The following VEPH1 variants were observed in gnomAD, a reference collection of about 807,000 sequenced individuals.
VEPH1 encodes ventricular zone-expressed PH domain-containing protein homolog 1.
VEPH1 carries 80 observed loss-of-function variants against 85.2 expected under a neutral mutation model. The ratio of observed to expected loss-of-function variants is 0.94; its 90% CI spans 0.78 to 1.13. The LOEUF is 1.13. VEPH1 is among the 50% of genes most tolerant of loss of function. VEPH1 has a pLI of 0.00. For synonymous variants in VEPH1, 297 were observed against 348.0 expected (o/e 0.85, Z 1.63); for missense variants, 955 against 980.5 (o/e 0.97, Z 0.35).
chr3:157,268,247 G>A (rs557034046), intron 12 of VEPH1, among the ~76,000 whole-genome samples: 3 of 152,202 alleles, frequency 2.0e-5, no homozygotes, highest in Admixed American at 6.5e-5. Flanking sequence ...TGGGTTATGC[G>A]TTCCTTGAGA....
intron 5 of VEPH1, among the ~76,000 whole-genome samples, chr3:157,420,061 C>A (rs1450102301): frequency 6.6e-6 from 1 of 151,860 alleles, no homozygotes; most frequent in Non-Finnish European, 1.5e-5. Flanking sequence ...CCTCAGCAAA[C>A]TAATGCAGAA....
chr3:157,490,759 C>T (rs1739148643), intron 2 of VEPH1, among the ~76,000 whole-genome samples: 1 of 152,128 alleles, frequency 6.6e-6, no homozygotes, highest in East Asian at 1.9e-4. Flanking sequence ...TGTTGTTTCA[C>T]TTTTAATTGT....
At chr3:157,491,321 G>A (rs78067369) in intron 2 of VEPH1, among the ~76,000 whole-genome samples, 2,245 of 152,248 alleles carry the variant, frequency 0.015, 40 homozygotes, top group East Asian at 0.066. Context: ...CAATGGAAAG[G>A]TGGGAGAAGT....
At chr3:157,283,698 G>C (rs1387811839) in intron 12 of VEPH1, among the ~76,000 whole-genome samples, 2 of 152,156 alleles carry the variant, frequency 1.3e-5, no homozygotes, top group African/African-American at 4.8e-5. Flanking sequence ...TATATTTCTT[G>C]ATGTCTTTCC....
At chr3:157,364,230 A>G in intron 8 of VEPH1, 73 bp downstream of exon 8, 1 of 1,233,902 alleles carries the variant, frequency 8.1e-7, no homozygotes, top group Non-Finnish European at 1.1e-6. Context: ...AAAACACCCC[A>G]TAACAGAGTG....
intron 11 of VEPH1, among the ~76,000 whole-genome samples, chr3:157,298,727 T>A (rs1718410941): frequency 6.6e-6 from 1 of 151,952 alleles, no homozygotes; most frequent in Non-Finnish European, 1.5e-5. Flanking sequence ...TTATATTGAA[T>A]GAAGGATAAA....
Position 157,490,491 on chromosome 3 carries a change from A to C in VEPH1, c.138+4721T>G, listed in dbSNP as rs140856709. Among the ~76,000 whole-genome samples the C allele has an allele frequency of 7.2e-4, 109 of 152,308 alleles. 1 individual carries two copies. Among genetic ancestry groups the C allele is most frequent in the East Asian group, 4.8e-3 (25 of 5,188 alleles). ...TAGGCACTTCCTTCAGAGGAAAACAAATGGCATACAGCAAATAAGCATATG... is the reference window on the plus strand; with the variant it reads ...TAGGCACTTCCTTCAGAGGAAAACACATGGCATACAGCAAATAAGCATATG... On this transcript the variant is annotated intron_variant, in intron 2 of 13. Coordinates refer to ENST00000362010, the MANE Select transcript of VEPH1 (RefSeq NM_001167912.2).
chr3:157,300,136 T>G (rs746729091), intron 11 of VEPH1, among the ~76,000 whole-genome samples: 4 of 152,080 alleles, frequency 2.6e-5, no homozygotes, highest in Non-Finnish European at 5.9e-5. Context: ...ATTCTAATAG[T>G]ATAGTGCCTG....
At chr3:157,355,901 C>A (rs1191446313) in intron 9 of VEPH1, among the ~76,000 whole-genome samples, 1 of 139,380 alleles carries the variant, frequency 7.2e-6, no homozygotes, top group Non-Finnish European at 1.6e-5. Flanking sequence ...CTCTCTCACT[C>A]TTTTTTTTTT....
intron 9 of VEPH1, among the ~76,000 whole-genome samples, chr3:157,327,904 C>G (rs1722098051): frequency 6.6e-6 from 1 of 152,174 alleles, no homozygotes; most frequent in South Asian, 2.1e-4. Flanking sequence ...AGAGCCCTTC[C>G]TCTCAGAAGC....
chr3:157,326,181 T>C (rs1313729127), intron 9 of VEPH1, among the ~76,000 whole-genome samples: 1 of 152,220 alleles, frequency 6.6e-6, no homozygotes, highest in African/African-American at 2.4e-5. Context: ...AGCACTACTT[T>C]TGTATCCTGG....
chr3:157,468,254 C>A (rs1037667552), intron 3 of VEPH1, among the ~76,000 whole-genome samples: 2 of 152,112 alleles, frequency 1.3e-5, no homozygotes, highest in African/African-American at 2.4e-5. Flanking sequence ...AGCCACTGAC[C>A]ATGGGATGCT....
chr3:157,431,546 C>T (rs1733152241), intron 4 of VEPH1, among the ~76,000 whole-genome samples: 1 of 152,034 alleles, frequency 6.6e-6, no homozygotes, highest in East Asian at 1.9e-4. Flanking sequence ...AGGATTATCT[C>T]CCTATCTTAT....
At chr3:157,448,849 C>T (rs1466975418) in intron 4 of VEPH1, among the ~76,000 whole-genome samples, 1 of 152,184 alleles carries the variant, frequency 6.6e-6, no homozygotes, top group East Asian at 1.9e-4. Flanking sequence ...ATTGTACTCC[C>T]ATAATTCCCA....
intron 12 of VEPH1, chr3:157,286,315 T>TA (rs930398618): frequency 1.0e-4 from 48 of 473,302 alleles, no homozygotes; most frequent in African/African-American, 9.4e-4. Flanking sequence ...AAATGGCTGA[T>TA]ACTGCTTCCT....
intron 11 of VEPH1, among the ~76,000 whole-genome samples, chr3:157,309,441 G>C (rs886759511): frequency 6.6e-6 from 1 of 152,134 alleles, no homozygotes; most frequent in Non-Finnish European, 1.5e-5. Context: ...AGTAAGCCAG[G>C]CGATGCTCTA....
At chr3:157,292,661 C>T (rs1717628987) in intron 11 of VEPH1, among the ~76,000 whole-genome samples, 3 of 151,290 alleles carry the variant, frequency 2.0e-5, no homozygotes, top group Admixed American at 2.0e-4. Flanking sequence ...CACTGCACTG[C>T]AGTCTGGGCA....
intron 11 of VEPH1, among the ~76,000 whole-genome samples, chr3:157,292,377 C>T (rs1717588374): frequency 6.6e-6 from 1 of 152,150 alleles, no homozygotes; most frequent in South Asian, 2.1e-4. Flanking sequence ...TGTGCATATG[C>T]TCATTCTTTT....
At chr3:157,470,855 G>A (rs16827707) in intron 2 of VEPH1, among the ~76,000 whole-genome samples, 7,868 of 152,146 alleles carry the variant, frequency 0.052, 674 homozygotes, top group African/African-American at 0.18. Context: ...TACAGGGCAG[G>A]GGTTACTTTT....
Sources: allele counts gnomAD v4.1 joint callset (sites outside exome capture counted in the v4.1 genomes callset), GRCh38; gene constraint gnomAD v4.1.1; transcripts MANE v1.5; gene names NCBI Gene and HGNC (gene_info 2026-07-23, HGNC 2026-07-21).